The following AGBL4 variants were observed in gnomAD, a reference collection of about 807,000 sequenced individuals.
The protein encoded by AGBL4 is AGBL carboxypeptidase 4.
A neutral mutation model predicts 66.4 loss-of-function variants in AGBL4; 58 were observed. The ratio of observed to expected loss-of-function variants is 0.87; its 90% CI spans 0.71 to 1.09. The LOEUF (loss-of-function observed/expected upper bound fraction) is 1.09, where lower values mean the gene tolerates loss of function less well. Ranked by LOEUF, AGBL4 falls within the 50% of genes least tolerant of loss-of-function variation. The pLI, the probability that AGBL4 is intolerant of heterozygous loss-of-function variation, is 0.00. For missense variants in AGBL4, 579 were observed against 631.0 expected, an observed-to-expected ratio of 0.92 and a Z score of 0.88; for synonymous variants, 234 against 222.9, an observed-to-expected ratio of 1.05 and a Z score of -0.44.
At chr1:48,723,549 T>A (rs1016853547) in intron 6 of AGBL4, among the ~76,000 whole-genome samples, 1 of 152,230 alleles carries the variant, frequency 6.6e-6, no homozygotes, top group Non-Finnish European at 1.5e-5. Flanking sequence ...GAAAATTATA[T>A]GCCCAAGTTA....
At chr1:48,959,010 A>G (rs1415988881) in intron 5 of AGBL4, among the ~76,000 whole-genome samples, 2 of 152,182 alleles carry the variant, frequency 1.3e-5, no homozygotes, top group Non-Finnish European at 2.9e-5. Flanking sequence ...CTGCCCATGA[A>G]TCTTAGCCTT....
At chr1:49,492,431 A>T (rs1570857767) in intron 3 of AGBL4, among the ~76,000 whole-genome samples, 1 of 151,982 alleles carries the variant, frequency 6.6e-6, no homozygotes, top group South Asian at 2.1e-4. Context: ...ATATTTCTAA[A>T]CCCCACTTGA....
At chr1:48,846,421 G>GAAAGAAAGAAATAAAT (rs796582660) in intron 6 of AGBL4, among the ~76,000 whole-genome samples, 17 of 144,722 alleles carry the variant, frequency 1.2e-4, no homozygotes, top group South Asian at 2.2e-4. Context: ...AAGAAAGAAA[G>GAAAGAAAGAAATAAAT]AAATTCATTT....
chr1:49,398,612 C>CCAA (rs1645021905), intron 3 of AGBL4, among the ~76,000 whole-genome samples: 1 of 152,138 alleles, frequency 6.6e-6, no homozygotes, highest in African/African-American at 2.4e-5. Flanking sequence ...AGAACACTGA[C>CCAA]CAACACATTC....
At chr1:48,719,105 G>A (rs1192539016) in intron 6 of AGBL4, among the ~76,000 whole-genome samples, 3 of 152,306 alleles carry the variant, frequency 2.0e-5, no homozygotes, top group Non-Finnish European at 2.9e-5. Flanking sequence ...TGTTCCCACA[G>A]TATTAAGGAG....
At chr1:49,516,685 G>C (rs1649853239) in intron 3 of AGBL4, among the ~76,000 whole-genome samples, 1 of 152,008 alleles carries the variant, frequency 6.6e-6, no homozygotes, top group Non-Finnish European at 1.5e-5. Flanking sequence ...ATTTTATAAA[G>C]ATTCTTCTGA....
chr1:48,898,266 T>C (rs576834311), intron 5 of AGBL4, among the ~76,000 whole-genome samples: 100 of 152,356 alleles, frequency 6.6e-4, no homozygotes, highest in African/African-American at 2.3e-3. Context: ...TCTCCCACTA[T>C]GTTGAGTGTT....
At chr1:49,920,820 A>G (rs562377480) in intron 1 of AGBL4, among the ~76,000 whole-genome samples, 1 of 152,362 alleles carries the variant, frequency 6.6e-6, no homozygotes, top group East Asian at 1.9e-4. Flanking sequence ...TATTCACAAT[A>G]GCAAAGACTT....
At chr1:49,740,968 C>G (rs533012713) in intron 2 of AGBL4, among the ~76,000 whole-genome samples, 1 of 152,030 alleles carries the variant, frequency 6.6e-6, no homozygotes, top group South Asian at 2.1e-4. Flanking sequence ...AAATTGACAC[C>G]CTAACATCAC....
chr1:49,506,869 G>T (rs1047482108), intron 3 of AGBL4, among the ~76,000 whole-genome samples: 1 of 152,012 alleles, frequency 6.6e-6, no homozygotes, highest in Admixed American at 6.6e-5. Context: ...AAGCTGGGCT[G>T]GACCTGAGGG....
At chr1:48,572,837 G>C (rs567760685) in intron 11 of AGBL4, among the ~76,000 whole-genome samples, 121 of 152,316 alleles carry the variant, frequency 7.9e-4, no homozygotes, top group Non-Finnish European at 1.5e-3. Flanking sequence ...TGGGGGCCAG[G>C]AGAGGGCACT....
chr1:48,960,587 C>T (rs974879849), intron 5 of AGBL4, among the ~76,000 whole-genome samples: 1 of 152,054 alleles, frequency 6.6e-6, no homozygotes, highest in Non-Finnish European at 1.5e-5. Flanking sequence ...TGAAAGGAAA[C>T]CAGCAAAAGG....
chr1:49,933,683 G>C (rs1653610891), intron 1 of AGBL4, among the ~76,000 whole-genome samples: 1 of 152,056 alleles, frequency 6.6e-6, no homozygotes, highest in Non-Finnish European at 1.5e-5. Flanking sequence ...TTTGTAAGCA[G>C]TTGAAGTTAA....
At position 49,111,261 on chromosome 1, in the gene AGBL4, T is replaced by C. The variant is rs574717406; in HGVS notation, c.378-65461A>G. Reference sequence around the variant, plus strand: ...CCCAATAGCTGGGAGTACAGGCGCCTGCCACCACGCCCGGCTAATTTTTTG... The same window carrying C: ...CCCAATAGCTGGGAGTACAGGCGCCCGCCACCACGCCCGGCTAATTTTTTG... On this transcript the variant is annotated intron_variant, in intron 4 of 13. Transcript: ENST00000371839. Among the ~76,000 whole-genome samples, 10 of 152,194 alleles carry C rather than the reference T, an allele frequency of 6.6e-5. No individual in the cohort carries two copies. In the South Asian group the frequency reaches 8.3e-4, roughly 13 times the overall value.
chr1:49,129,028 C>A (rs892285412), intron 4 of AGBL4, among the ~76,000 whole-genome samples: 3 of 151,776 alleles, frequency 2.0e-5, no homozygotes, highest in African/African-American at 7.3e-5. Flanking sequence ...ATAATAGAAT[C>A]AGAAAATGGG....
At chr1:49,725,214 T>C (rs1200718500) in intron 2 of AGBL4, among the ~76,000 whole-genome samples, 1 of 152,202 alleles carries the variant, frequency 6.6e-6, no homozygotes, top group Non-Finnish European at 1.5e-5. Flanking sequence ...TCTATGTTAA[T>C]ATATGTATCT....
At chr1:49,829,700 G>A (rs931335757) in intron 2 of AGBL4, among the ~76,000 whole-genome samples, 3 of 151,966 alleles carry the variant, frequency 2.0e-5, no homozygotes, top group Admixed American at 6.6e-5. Flanking sequence ...CATGTGCCAC[G>A]GTGGTTTGAT....
chr1:48,910,842 C>T (rs1653028730), intron 5 of AGBL4, among the ~76,000 whole-genome samples: 1 of 152,108 alleles, frequency 6.6e-6, no homozygotes, highest in Non-Finnish European at 1.5e-5. Context: ...ATAATCCTTC[C>T]AATCTTTACC....
In AGBL4 at chr1:48,747,653, T is replaced by C. The variant is rs146489929; in HGVS notation, c.635-84412A>G. ...TTACCTCTTTAAGCCCTACTGGCTTTTTCCCTAAAATGGAAAGCATGACAC... is the reference window on the plus strand; with the variant it reads ...TTACCTCTTTAAGCCCTACTGGCTTCTTCCCTAAAATGGAAAGCATGACAC... On this transcript the variant is annotated intron_variant, in intron 6 of 13. Coordinates refer to ENST00000371839, the MANE Select transcript of AGBL4 (RefSeq NM_032785.4). Among the ~76,000 whole-genome samples the C allele has an allele frequency of 7.5e-3, 1,136 of 152,362 alleles. 17 individuals carry two copies. The highest frequency in any genetic ancestry group is 0.026 in the African/African-American group (1,076 of 41,586).
Sources: gnomAD v4.1 joint callset for allele counts (sites outside exome capture counted in the v4.1 genomes callset) on GRCh38, gnomAD v4.1.1 for gene constraint, MANE v1.5 for transcripts, NCBI Gene and HGNC (gene_info 2026-07-23, HGNC 2026-07-21) for gene names.